The following PML variants were observed in gnomAD, a reference collection of about 807,000 sequenced individuals.
PML encodes the protein PML nuclear body scaffold, also known as protein PML.
PML carries 28 observed loss-of-function variants against 65.2 expected under a neutral mutation model. The observed-to-expected ratio is 0.43, with a 90% confidence interval of 0.32 to 0.59. PML has a LOEUF of 0.59. Ranked by LOEUF, PML falls within the 20% of genes least tolerant of loss-of-function variation. The pLI, the probability that PML is intolerant of heterozygous loss-of-function variation, is 0.08. For synonymous variants in PML, 500 were observed against 508.8 expected (o/e 0.98, Z 0.23); for missense variants, 1,021 against 1,203.4 (o/e 0.85, Z 2.24).
intron 2 of PML, among the ~76,000 whole-genome samples, chr15:74,002,564 C>G (rs1177127129): frequency 6.7e-6 from 1 of 149,806 alleles, no homozygotes; most frequent in East Asian, 2.0e-4. Flanking sequence ...CTGCCTCAGC[C>G]TCCTGAGTAG....
At position 74,023,040 on chromosome 15, in the gene PML, G is replaced by T. The variant is rs1020491808; in HGVS notation, c.815G>T (p.Arg272Leu). Reference sequence around the variant, plus strand: ...GCCGTCGGCCAGCTGGGCCGCGCGCGTGCCGAGACCGAGGAGCTGATCCGC... The same window carrying T: ...GCCGTCGGCCAGCTGGGCCGCGCGCTTGCCGAGACCGAGGAGCTGATCCGC... Reference protein sequence around the residue: ...HAAVGQLGRARAETEELIRER... With the variant: ...HAAVGQLGRALAETEELIRER... Residue 272 changes from arginine (R) to leucine (L), a missense_variant, in exon 3 of 9, where the codon CGT (arginine) becomes CTT (leucine). Arg to Leu is a moderately radical substitution (Grantham distance 102). Transcript: ENST00000268058. The T allele has an allele frequency of 2.5e-6, 4 of 1,604,762 alleles. No individual in the cohort carries two copies. Among genetic ancestry groups the T allele is most frequent in the East Asian group, 2.2e-5 (1 of 44,784 alleles).
In PML at chr15:74,032,626, G is replaced by A; in HGVS notation, c.1309G>A (p.Ala437Thr). ...GGTTCAGGCCCTGGGGCTGGCTGAAGCCCAGCCTATGGCTGTGGTACAGTC... is the reference window on the plus strand; with the variant it reads ...GGTTCAGGCCCTGGGGCTGGCTGAAACCCAGCCTATGGCTGTGGTACAGTC... ...AQVQALGLAE[A>T]QPMAVVQSVP... The change falls in exon 5 of 9, where the codon GCC (alanine) becomes ACC (threonine). Residue 437 changes from alanine to threonine, a missense_variant. By Grantham distance (58) the Ala-to-Thr change is moderately conservative. Coordinates refer to ENST00000268058, the MANE Select transcript of PML (RefSeq NM_033238.3). The A allele has an allele frequency of 6.2e-7, 1 of 1,614,086 alleles. No homozygotes were observed. The highest frequency in any genetic ancestry group is 2.2e-5 in the East Asian group (1 of 44,876).
chr15:74,019,130 A>G (rs556979614), intron 2 of PML, among the ~76,000 whole-genome samples: 11 of 152,332 alleles, frequency 7.2e-5, no homozygotes, highest in African/African-American at 2.2e-4. Flanking sequence ...CTTGCCGCCC[A>G]TTTCCATCTA....
intron 4 of PML, among the ~76,000 whole-genome samples, chr15:74,029,126 C>T (rs1227923487): frequency 6.6e-6 from 1 of 152,036 alleles, no homozygotes; most frequent in African/African-American, 2.4e-5. Flanking sequence ...CCACCAGCAC[C>T]GTGTAAAAGT....
intron 2 of PML, among the ~76,000 whole-genome samples, chr15:74,008,047 CA>C (rs1269982422): frequency 6.6e-6 from 1 of 152,196 alleles, no homozygotes; most frequent in African/African-American, 2.4e-5. Flanking sequence ...AGAAGTCAGG[CA>C]GGCACAAAGG....
chr15:73,995,700 A>G (rs1274397829), intron 1 of PML, among the ~76,000 whole-genome samples: 2 of 152,008 alleles, frequency 1.3e-5, no homozygotes, highest in Non-Finnish European at 2.9e-5. Context: ...TGTATTAAGC[A>G]CTTTGGTTTT....
rs2071611173 is a variant in PML at position 74,037,989 on chromosome 15, C to G, written c.1710+3459C>G. Among the ~76,000 whole-genome samples, 1 of 152,190 alleles carries G rather than the reference C, an allele frequency of 6.6e-6. No individual in the cohort carries two copies. The highest frequency in any genetic ancestry group is 2.4e-5 in the African/African-American group (1 of 41,450). On this transcript the variant is annotated intron_variant, in intron 7 of 8. Transcript: ENST00000268058. This position sits in a 1 kb window ranked among gnomAD's most constrained non-coding sequence, Gnocchi z 4.2. ...AACTCAGCACCTTCTCCTCCCGTCT[C>G]ACTGGCTCGCCCCACTCTCTGCCCG...
rs918350164 is a variant in PML, at chr15:74,043,235, C to T, written c.1861+96C>T. On this transcript the variant is annotated intron_variant, in intron 8 of 8. Coordinates refer to ENST00000268058, the MANE Select transcript of PML (RefSeq NM_033238.3). The surrounding 1 kb of genome is among the most constrained non-coding windows in gnomAD (Gnocchi z 4.3). Reference sequence around the variant, plus strand: ...GAGCCATCTGCCAGGCCCAGGAGAGCTCTGAGCTCTGGCCAACAACTGCAG... The same window carrying T: ...GAGCCATCTGCCAGGCCCAGGAGAGTTCTGAGCTCTGGCCAACAACTGCAG... 9.3e-6 allele frequency: 15 copies of T among 1,606,438 alleles called. No homozygotes were observed. The highest frequency in any genetic ancestry group is 5.4e-5 in the African/African-American group (4 of 74,634).
intron 2 of PML, among the ~76,000 whole-genome samples, chr15:74,003,075 A>C (rs1334339016): frequency 6.6e-6 from 1 of 152,124 alleles, no homozygotes; most frequent in Non-Finnish European, 1.5e-5. Context: ...TCAAGGATGC[A>C]GTGAGCCATG....
intron 2 of PML, among the ~76,000 whole-genome samples, chr15:74,000,046 A>G (rs2069688942): frequency 6.6e-6 from 1 of 152,074 alleles, no homozygotes; most frequent in African/African-American, 2.4e-5. Flanking sequence ...TATAATGGTC[A>G]GGCTGGTCTC....
At chr15:74,030,538 A>G (rs1019894053) in intron 4 of PML, among the ~76,000 whole-genome samples, 2 of 152,314 alleles carry the variant, frequency 1.3e-5, no homozygotes, top group Non-Finnish European at 2.9e-5. Flanking sequence ...AATCCTAGCT[A>G]CTTAGGAGGC....
intron 7 of PML, chr15:74,034,756 T>C: frequency 6.8e-7 from 1 of 1,475,340 alleles, no homozygotes; most frequent in Non-Finnish European, 9.0e-7. Flanking sequence ...TCTGAAATGC[T>C]GATAGCATGT....
chr15:74,023,411 A>G lies in PML; in HGVS notation c.1183+3A>G. 6.3e-7 allele frequency: 1 copy of G among 1,596,762 alleles called. No homozygotes were observed. The highest frequency in any genetic ancestry group is 8.5e-7 in the Non-Finnish European group (1 of 1,178,682). On this transcript the variant is annotated splice_donor_region_variant and intron_variant, in intron 3 of 8. Transcript: ENST00000268058. ...CTCTTGCATCACCCAGGGGAAAGGT[A>G]AGCACGCACGCCACCTTCCTGGGCG...
chr15:74,024,727 C>A, intron 3 of PML, 130 bp from the exon 4 acceptor site: 1 of 746,316 alleles, frequency 1.3e-6, no homozygotes, highest in South Asian at 1.4e-5. Context: ...TTGTCCAGTG[C>A]TTTGGGATGC....
At position 74,035,538 on chromosome 15, in the gene PML, G is replaced by A. The variant is rs2071514637; in HGVS notation, c.1710+1008G>A. ...GACTTGGTCTCCCCATGTGGTCCAA[G>A]CCAGCACTCCTGCCATCACAGGGCC... On this transcript the variant is annotated intron_variant, in intron 7 of 8. Transcript: ENST00000268058. The surrounding 1 kb of genome is among the most constrained non-coding windows in gnomAD (Gnocchi z 4.1). 2 of 1,610,594 alleles carry A rather than the reference G, an allele frequency of 1.2e-6. No homozygotes were observed. Among genetic ancestry groups the A allele is most frequent in the African/African-American group, 1.3e-5 (1 of 74,890 alleles).
chr15:74,041,500 A>G (rs1039063949), intron 7 of PML: 2 of 152,434 alleles, frequency 1.3e-5, no homozygotes, highest in African/African-American at 4.8e-5. Flanking sequence ...TGGAGATGCG[A>G]GGCGCTGGGC....
At chr15:74,012,255 A>G (rs1009490673) in intron 2 of PML, among the ~76,000 whole-genome samples, 26 of 152,178 alleles carry the variant, frequency 1.7e-4, no homozygotes, top group African/African-American at 5.5e-4. Context: ...GGCTCACTGC[A>G]ACCTCCGCCT....
intron 7 of PML, chr15:74,034,779 G>T: frequency 2.8e-6 from 4 of 1,447,562 alleles, no homozygotes; most frequent in Non-Finnish European, 9.0e-7. Context: ...CCAGAGCCCT[G>T]TCTCTTTTCT....
At chr15:74,044,043 T>C (rs2071742489) in intron 8 of PML, among the ~76,000 whole-genome samples, 178 bp from the exon 9 acceptor site, 1 of 152,140 alleles carries the variant, frequency 6.6e-6, no homozygotes, top group Non-Finnish European at 1.5e-5. Context: ...CCCTTCTGAC[T>C]GCTATCCCAC....
Sources: gnomAD v4.1 joint callset for allele counts (sites outside exome capture counted in the v4.1 genomes callset) on GRCh38, gnomAD v4.1.1 for gene constraint, Gnocchi (gnomAD v3.1) non-coding constraint, MANE v1.5 for transcripts, NCBI Gene and HGNC (gene_info 2026-07-23, HGNC 2026-07-21) for gene names.